Variants in CLEC2D observed in about 807,000 individuals in gnomAD.
CLEC2D encodes C-type lectin domain family 2 member D, also known as C-type lectin related f.
In CLEC2D, 16 loss-of-function variants were observed where a neutral mutation model predicts 20.0. The observed-to-expected ratio is 0.80, with a 90% CI of 0.54 to 1.22. CLEC2D has a LOEUF of 1.22. Ranked by LOEUF, CLEC2D falls within the 50% of genes most tolerant of loss-of-function variation. The pLI, the probability that CLEC2D is intolerant of heterozygous loss-of-function variation, is 0.00. For missense variants in CLEC2D, 207 were observed against 221.5 expected (o/e 0.93, Z 0.42); for synonymous variants, 77 against 71.1 (o/e 1.08, Z -0.42).
At chr12:9,683,335 GT>G (rs1357039664) in intron 2 of CLEC2D, among the ~76,000 whole-genome samples, 10 of 11,288 alleles carry the variant, frequency 8.9e-4, no homozygotes, top group South Asian at 6.9e-3. Context: ...TTTTGTGTTT[GT>G]TTTTTTTTTT....
intron 2 of CLEC2D, among the ~76,000 whole-genome samples, chr12:9,687,050 G>T (rs936265972): frequency 4.6e-5 from 7 of 152,154 alleles, no homozygotes; most frequent in Non-Finnish European, 1.0e-4. Flanking sequence ...GAAAGACAAC[G>T]TTTTCATGGA....
chr12:9,672,155 G>A (rs758865919), intron 1 of CLEC2D, among the ~76,000 whole-genome samples: 34 of 108,468 alleles, frequency 3.1e-4, no homozygotes, highest in Admixed American at 6.7e-4. Flanking sequence ...ATTTGGAAGG[G>A]CAAGAGAGCA....
Position 9,695,737 on chromosome 12 carries a change from G to A in CLEC2D, c.*863G>A, listed in dbSNP as rs1404279933. ...TATTAGTGGACAGCACTTAGTAGCT[G>A]TGAAGGAAGGTGCAGAGTCAGAAGA... On this transcript the variant is annotated 3_prime_UTR_variant, in exon 5 of 5. Coordinates refer to ENST00000290855, the MANE Select transcript of CLEC2D (RefSeq NM_013269.6). 4 of 1,443,264 alleles carry A rather than the reference G, an allele frequency of 2.8e-6. No homozygotes were observed. Among genetic ancestry groups the A allele is most frequent in the Non-Finnish European group, 3.9e-6 (4 of 1,035,330 alleles). 89.4% of individuals were successfully genotyped at this position (1,443,264 alleles called of 1,614,324 possible).
intron 3 of CLEC2D, among the ~76,000 whole-genome samples, chr12:9,689,342 A>G (rs1481921666): frequency 6.6e-6 from 1 of 152,250 alleles, no homozygotes; most frequent in African/African-American, 2.4e-5. Flanking sequence ...ACTCTGAGCC[A>G]CAACAACCAA....
Position 9,695,415 on chromosome 12 carries a change from C to T in CLEC2D, c.*541C>T. On this transcript the variant is annotated 3_prime_UTR_variant, in exon 5 of 5. Coordinates refer to ENST00000290855, the MANE Select transcript of CLEC2D (RefSeq NM_013269.6). ...GATTCGATGGACATGGACATGAGCC[C>T]CCTGAGGCCCCAGAACTATCTTTTC... 2 of 1,485,430 alleles carry T rather than the reference C, an allele frequency of 1.3e-6. No individual in the cohort carries two copies. Among genetic ancestry groups the T allele is most frequent in the Non-Finnish European group, 1.9e-6 (2 of 1,080,306 alleles). 92.0% of individuals were successfully genotyped at this position (1,485,430 alleles called of 1,614,324 possible).
chr12:9,683,821 A>C (rs1488421011), intron 2 of CLEC2D, among the ~76,000 whole-genome samples: 1 of 151,312 alleles, frequency 6.6e-6, no homozygotes, highest in Non-Finnish European at 1.5e-5. Context: ...CCTCCAGCTT[A>C]GTTCTTTTTG....
intron 2 of CLEC2D, among the ~76,000 whole-genome samples, chr12:9,685,345 C>T (rs1865725656): frequency 6.6e-6 from 1 of 152,206 alleles, no homozygotes; most frequent in Admixed American, 6.5e-5. Flanking sequence ...GGCAGTCTTT[C>T]CCTCAGAAGA....
chr12:9,687,197 A>G (rs1024800376), intron 2 of CLEC2D, among the ~76,000 whole-genome samples: 8 of 152,276 alleles, frequency 5.3e-5, no homozygotes, highest in Admixed American at 3.3e-4. Flanking sequence ...ATCAGTGGGA[A>G]CCCTGAGCTA....
At chr12:9,681,144 T>A in intron 2 of CLEC2D, 111 bp downstream of exon 2, 1 of 622,712 alleles carries the variant, frequency 1.6e-6, no homozygotes, top group Non-Finnish European at 2.7e-6. Flanking sequence ...ATTGTCTCAC[T>A]AACTGAGTTA....
In CLEC2D at chr12:9,695,868, T is replaced by A. The variant is rs761560465; in HGVS notation, c.*994T>A. ...TTGCTGCTGCTGCTGATGATGATGATGATGAAGATGATGATGATGATGATG... is the reference window on the plus strand; with the variant it reads ...TTGCTGCTGCTGCTGATGATGATGAAGATGAAGATGATGATGATGATGATG... On this transcript the variant is annotated 3_prime_UTR_variant, in exon 5 of 5. Transcript: ENST00000290855. 5.3e-5 allele frequency: 56 copies of A among 1,057,462 alleles called. No homozygotes were observed. The highest frequency in any genetic ancestry group is 2.9e-4 in the Middle Eastern group (1 of 3,448). 65.5% of individuals were successfully genotyped at this position (1,057,462 alleles called of 1,614,324 possible).
Position 9,698,268 on chromosome 12 carries a change from G to T in CLEC2D, c.*3394G>T, listed in dbSNP as rs1439538857. On this transcript the variant is annotated 3_prime_UTR_variant, in exon 5 of 5. Transcript: ENST00000290855. ...ATTTATTCTCTTGACAATTTTGAAA[G>T]ATCCAATACACTATTATTAACTATA... is the stretch of plus-strand genomic sequence containing the variant. 2 of 152,112 alleles carry T rather than the reference G, an allele frequency of 1.3e-5. No individual in the cohort carries two copies. The highest frequency in any genetic ancestry group is 2.4e-5 in the African/African-American group (1 of 41,410). 9.4% of individuals were successfully genotyped at this position (152,112 alleles called of 1,614,324 possible).
chr12:9,687,884 TTTTTA>T lies in CLEC2D; in HGVS notation c.173-8_173-4del. The T allele has an allele frequency of 6.9e-7, 1 of 1,448,970 alleles. No homozygotes were observed. Among genetic ancestry groups the T allele is most frequent in the Middle Eastern group, 1.9e-4 (1 of 5,362 alleles). The allele number at this position is 1,448,970 out of a possible 1,614,324, so 89.8% of individuals were successfully genotyped here. ...AAGTAAGAAATTTTTATTTTATTTA[TTTTTA>T]TTTTATTTTCAGCAATAAGAGCTAA... On this transcript the variant is annotated splice_polypyrimidine_tract_variant and intron_variant, in intron 2 of 4. Coordinates refer to ENST00000290855, the MANE Select transcript of CLEC2D (RefSeq NM_013269.6).
At chr12:9,694,014 A>G (rs374132744) in intron 4 of CLEC2D, 66 of 229,904 alleles carry the variant, frequency 2.9e-4, no homozygotes, top group African/African-American at 1.9e-3. Flanking sequence ...GGGTCTCACT[A>G]TGTTGCCTGG....
chr12:9,669,886 G>A, intron 1 of CLEC2D, 91 bp downstream of exon 1: 3 of 1,005,978 alleles, frequency 3.0e-6, no homozygotes, highest in Non-Finnish European at 4.6e-6. Context: ...TGCTGATCTA[G>A]TAAAAAGTTT....
At chr12:9,672,714 C>T (rs775465074) in intron 1 of CLEC2D, among the ~76,000 whole-genome samples, 5 of 152,200 alleles carry the variant, frequency 3.3e-5, no homozygotes, top group East Asian at 3.9e-4. Context: ...GTGGTAGGTT[C>T]GGTCTTTTTA....
At chr12:9,686,143 C>G (rs1865744268) in intron 2 of CLEC2D, among the ~76,000 whole-genome samples, 1 of 151,618 alleles carries the variant, frequency 6.6e-6, no homozygotes. Flanking sequence ...AAGCAGCGCC[C>G]CACCCTGCTT....
At position 9,698,132 on chromosome 12, in the gene CLEC2D, A is replaced by G. The variant is rs192045936; in HGVS notation, c.*3258A>G. The G allele has an allele frequency of 6.6e-6, 1 of 152,322 alleles. No homozygotes were observed. Among genetic ancestry groups the G allele is most frequent in the East Asian group, 1.9e-4 (1 of 5,192 alleles). 9.4% of individuals were successfully genotyped at this position (152,322 alleles called of 1,614,324 possible). ...ATTTTTAGCTGACAACTGTATAATTATGGAATACAATGTGATGTTCTGATA... is the reference window on the plus strand; with the variant it reads ...ATTTTTAGCTGACAACTGTATAATTGTGGAATACAATGTGATGTTCTGATA... On this transcript the variant is annotated 3_prime_UTR_variant, in exon 5 of 5. Coordinates refer to ENST00000290855, the MANE Select transcript of CLEC2D (RefSeq NM_013269.6).
intron 1 of CLEC2D, among the ~76,000 whole-genome samples, chr12:9,672,786 G>C (rs934432883): frequency 1.3e-5 from 2 of 151,584 alleles, no homozygotes; most frequent in African/African-American, 4.9e-5. Context: ...CTCTAATCTT[G>C]TCTGTCTGCC....
At chr12:9,685,471 G>A (rs1043118556) in intron 2 of CLEC2D, among the ~76,000 whole-genome samples, 1 of 152,214 alleles carries the variant, frequency 6.6e-6, no homozygotes, top group African/African-American at 2.4e-5. Flanking sequence ...TCTGTCCCAG[G>A]GAGATAAGAG....
Sources: gnomAD v4.1 joint callset for allele counts (sites outside exome capture counted in the v4.1 genomes callset) on GRCh38, gnomAD v4.1.1 for gene constraint, MANE v1.5 for transcripts, NCBI Gene and HGNC (gene_info 2026-07-23, HGNC 2026-07-21) for gene names.